Variants in FILIP1 observed in about 807,000 individuals in gnomAD.
The protein encoded by FILIP1 is filamin A interacting protein 1.
Under a neutral mutation model 102.1 loss-of-function variants are expected in FILIP1, and 61 were observed. The observed-to-expected ratio is 0.60, with a 90% CI of 0.49 to 0.74. The LOEUF (loss-of-function observed/expected upper bound fraction) is 0.74, where lower values mean the gene tolerates loss of function less well. Ranked by LOEUF, FILIP1 falls within the 30% of genes least tolerant of loss-of-function variation. The pLI is 0.00. For synonymous variants in FILIP1, 491 were observed against 526.9 expected (o/e 0.93, Z 0.93); for missense variants, 1,314 against 1,441.2 (o/e 0.91, Z 1.43).
intron 2 of FILIP1, among the ~76,000 whole-genome samples, chr6:75,377,194 C>T (rs1382497471): frequency 6.6e-6 from 1 of 151,876 alleles, no homozygotes; most frequent in East Asian, 1.9e-4. Flanking sequence ...AACAATATTC[C>T]CATTGAGTTC....
intron 4 of FILIP1, chr6:75,319,035 A>C: frequency 1.4e-6 from 1 of 694,220 alleles, no homozygotes. Flanking sequence ...CAACTTATTC[A>C]TCATCGTCAT....
chr6:75,296,157 T>A (rs1471543231), intron 6 of FILIP1, among the ~76,000 whole-genome samples: 1 of 152,182 alleles, frequency 6.6e-6, no homozygotes, highest in African/African-American at 2.4e-5. Flanking sequence ...TAAAGCCCTT[T>A]AGAAACTACG....
At chr6:75,441,531 G>A (rs1054713234) in intron 1 of FILIP1, among the ~76,000 whole-genome samples, 3 of 152,040 alleles carry the variant, frequency 2.0e-5, no homozygotes, top group Non-Finnish European at 2.9e-5. Flanking sequence ...CGGGTAGAGG[G>A]GCTCCTCACT....
chr6:75,471,895 T>C (rs1410180337), intron 1 of FILIP1, among the ~76,000 whole-genome samples: 3 of 152,136 alleles, frequency 2.0e-5, no homozygotes. Flanking sequence ...ATATACATTA[T>C]ATTGTTAACA....
At chr6:75,324,136 T>A (rs1035128309) in intron 4 of FILIP1, among the ~76,000 whole-genome samples, 2 of 152,060 alleles carry the variant, frequency 1.3e-5, no homozygotes, top group Non-Finnish European at 2.9e-5. Flanking sequence ...ATCCTATACC[T>A]AGAAAATCCT....
intron 1 of FILIP1, among the ~76,000 whole-genome samples, chr6:75,487,225 A>G (rs1024124680): frequency 6.6e-6 from 1 of 152,216 alleles, no homozygotes; most frequent in Non-Finnish European, 1.5e-5. Flanking sequence ...CAAGACTTAT[A>G]GAATAATTAG....
At chr6:75,304,764 A>C (rs1772933904), downstream of FILIP1, among the ~76,000 whole-genome samples, 1 of 152,246 alleles carries the variant, frequency 6.6e-6, no homozygotes, top group African/African-American at 2.4e-5. Flanking sequence ...TGCCAGAAGA[A>C]AGAGCTAAGA....
At chr6:75,427,983 G>A (rs1056079495) in intron 1 of FILIP1, among the ~76,000 whole-genome samples, 5 of 151,812 alleles carry the variant, frequency 3.3e-5, no homozygotes, top group African/African-American at 4.9e-5. Context: ...TTTTAAAGAG[G>A]GTGGGTTGAA....
chr6:75,377,971 A>G (rs1775797524), intron 2 of FILIP1, among the ~76,000 whole-genome samples: 1 of 152,260 alleles, frequency 6.6e-6, no homozygotes, highest in Non-Finnish European at 1.5e-5. Flanking sequence ...GTTATGTTCT[A>G]TAAAGTTGCC....
At chr6:75,450,172 C>A (rs966132610) in intron 1 of FILIP1, among the ~76,000 whole-genome samples, 1 of 152,054 alleles carries the variant, frequency 6.6e-6, no homozygotes, top group Non-Finnish European at 1.5e-5. Flanking sequence ...GTGGAGGGAT[C>A]TTGCTATGTT....
intron 4 of FILIP1, among the ~76,000 whole-genome samples, chr6:75,326,862 G>C (rs1019578367): frequency 5.3e-5 from 8 of 152,138 alleles, no homozygotes; most frequent in African/African-American, 1.9e-4. Context: ...GTTTATCTTA[G>C]AATTGTCAAG....
chr6:75,454,068 T>C (rs945317882), intron 1 of FILIP1: 1 of 455,094 alleles, frequency 2.2e-6, no homozygotes, highest in Non-Finnish European at 4.4e-6. Flanking sequence ...GGCTTAATTG[T>C]TTCTTCTGCT....
chr6:75,397,719 T>C (rs1213400847), intron 2 of FILIP1, among the ~76,000 whole-genome samples: 1 of 152,096 alleles, frequency 6.6e-6, no homozygotes, highest in African/African-American at 2.4e-5. Context: ...CTCACTTTCA[T>C]TGGTGCAAAT....
chr6:75,485,168 G>C (rs1779748111), intron 1 of FILIP1, among the ~76,000 whole-genome samples: 1 of 152,192 alleles, frequency 6.6e-6, no homozygotes. Flanking sequence ...AAGAAATCAA[G>C]AGATGTTATG....
chr6:75,296,045 AAAAC>A (rs1298022853), intron 6 of FILIP1: 7 of 783,962 alleles, frequency 8.9e-6, no homozygotes, highest in African/African-American at 7.2e-5. Flanking sequence ...GTTAAATAAC[AAAAC>A]AAACAAAAAC....
chr6:75,321,686 C>T (rs983670548), intron 4 of FILIP1, among the ~76,000 whole-genome samples: 2 of 118,362 alleles, frequency 1.7e-5, no homozygotes, highest in South Asian at 2.7e-4. Flanking sequence ...CCCAGCTACT[C>T]GGGAGGCTGA....
chr6:75,382,689 T>A (rs1775944850), intron 2 of FILIP1, among the ~76,000 whole-genome samples: 1 of 152,200 alleles, frequency 6.6e-6, no homozygotes, highest in South Asian at 2.1e-4. Context: ...AAGGAAGACC[T>A]TCGGTTCAAT....
intron 2 of FILIP1, among the ~76,000 whole-genome samples, chr6:75,387,588 T>C (rs1376821151): frequency 6.6e-6 from 1 of 152,208 alleles, no homozygotes; most frequent in Non-Finnish European, 1.5e-5. Flanking sequence ...CCATTCTAAC[T>C]GGCGTGAGAT....
At chr6:75,396,033 G>A (rs1255161096) in intron 2 of FILIP1, among the ~76,000 whole-genome samples, 6 of 150,604 alleles carry the variant, frequency 4.0e-5, no homozygotes, top group Non-Finnish European at 7.4e-5. Flanking sequence ...AGCCAACCTG[G>A]AACACATACA....
Sources: allele counts gnomAD v4.1 joint callset (sites outside exome capture counted in the v4.1 genomes callset), GRCh38; gene constraint gnomAD v4.1.1; transcripts MANE v1.5; gene names NCBI Gene and HGNC (gene_info 2026-07-23, HGNC 2026-07-21).